RORA: variants seen among roughly 807,000 people sequenced by gnomAD.
RORA encodes the protein nuclear receptor ROR-alpha.
In RORA, 7 loss-of-function variants were observed where a neutral mutation model predicts 69.5. The observed-to-expected ratio is 0.10, with a 90% CI of 0.06 to 0.19. The LOEUF is 0.19. Ranked by LOEUF, RORA falls within the 10% of genes least tolerant of loss-of-function variation. The pLI, the probability that RORA is intolerant of heterozygous loss-of-function variation, is 1.00. For synonymous variants in RORA, 261 were observed against 240.8 expected (o/e 1.08, Z -0.78); for missense variants, 457 against 663.0 (o/e 0.69, Z 3.41).
At chr15:60,802,693 A>G (rs528931187) in intron 1 of RORA, among the ~76,000 whole-genome samples, 2 of 152,322 alleles carry the variant, frequency 1.3e-5, no homozygotes, top group African/African-American at 4.8e-5. Flanking sequence ...TACTTTTGAA[A>G]TAATATTCAC....
intron 1 of RORA, among the ~76,000 whole-genome samples, chr15:60,785,327 T>C (rs2072319938): frequency 6.6e-6 from 1 of 152,136 alleles, no homozygotes; most frequent in South Asian, 2.1e-4. Flanking sequence ...CTTCCTGAGG[T>C]CACTGATGGA....
At chr15:60,636,061 C>G (rs906522199) in intron 2 of RORA, among the ~76,000 whole-genome samples, 1 of 152,176 alleles carries the variant, frequency 6.6e-6, no homozygotes, top group East Asian at 1.9e-4. Context: ...TAAATAGTCT[C>G]TCTGTGTGAT....
chr15:61,137,066 A>AGAAAGAAAGAAG (rs1567006630), intron 1 of RORA, among the ~76,000 whole-genome samples: 13 of 149,442 alleles, frequency 8.7e-5, no homozygotes, highest in African/African-American at 3.1e-4. Context: ...AAAGAAAGAA[A>AGAAAGAAAGAAG]GAAAGAAAGA....
At chr15:60,655,135 T>C (rs1338081769) in intron 2 of RORA, among the ~76,000 whole-genome samples, 3 of 152,166 alleles carry the variant, frequency 2.0e-5, no homozygotes, top group African/African-American at 7.2e-5. Context: ...GTCATGAGAA[T>C]GGAATGTACC....
intron 1 of RORA, among the ~76,000 whole-genome samples, chr15:60,936,462 C>G (rs547118528): frequency 3.0e-4 from 46 of 152,370 alleles, no homozygotes; most frequent in African/African-American, 1.1e-3. Context: ...ACACCTGTCA[C>G]ACCTTCAGCC....
intron 1 of RORA, among the ~76,000 whole-genome samples, chr15:61,007,316 A>G (rs1022816137): frequency 1.3e-5 from 2 of 152,208 alleles, no homozygotes; most frequent in Non-Finnish European, 2.9e-5. Flanking sequence ...ATTGATAGGC[A>G]ATGTTTCTCA....
At chr15:61,105,273 T>C (rs564128925) in intron 1 of RORA, among the ~76,000 whole-genome samples, 30 of 152,302 alleles carry the variant, frequency 2.0e-4, no homozygotes, top group African/African-American at 6.7e-4. Flanking sequence ...TTATCTAAGG[T>C]CTGTTTGCCC....
intron 1 of RORA, among the ~76,000 whole-genome samples, chr15:60,698,701 G>A (rs984103282): frequency 3.5e-5 from 5 of 143,870 alleles, no homozygotes; most frequent in South Asian, 2.2e-4. Context: ...AGATATCATC[G>A]TGTCCTGTAA....
intron 1 of RORA, among the ~76,000 whole-genome samples, chr15:60,894,260 G>A (rs1891166134): frequency 1.3e-5 from 2 of 152,118 alleles, no homozygotes; most frequent in Non-Finnish European, 2.9e-5. Context: ...TAAAGCAGGC[G>A]GCTTTCAAAA....
chr15:61,032,605 T>C (rs185886256), intron 1 of RORA, among the ~76,000 whole-genome samples: 5 of 152,200 alleles, frequency 3.3e-5, no homozygotes, highest in African/African-American at 4.8e-5. Context: ...TTAGAAACAT[T>C]TTACATTCAC....
intron 1 of RORA, among the ~76,000 whole-genome samples, chr15:61,076,417 AC>A (rs2078450615): frequency 6.6e-6 from 1 of 151,650 alleles, no homozygotes; most frequent in Non-Finnish European, 1.5e-5. Flanking sequence ...AAAAAAAAAA[AC>A]GTTTCAACAA....
chr15:61,184,434 G>A (rs1438492781), intron 1 of RORA, among the ~76,000 whole-genome samples: 3 of 151,986 alleles, frequency 2.0e-5, no homozygotes, highest in Non-Finnish European at 2.9e-5. Context: ...TTTCTCCTTA[G>A]AATTAAGGAG....
chr15:60,720,891 AG>A (rs1285897385), intron 1 of RORA, among the ~76,000 whole-genome samples: 1 of 152,072 alleles, frequency 6.6e-6, no homozygotes, highest in Non-Finnish European at 1.5e-5. Context: ...GGGGCTTCCT[AG>A]GGCTTTCAAG....
chr15:60,588,864 T>C (rs1413600551), intron 2 of RORA, among the ~76,000 whole-genome samples: 1 of 152,218 alleles, frequency 6.6e-6, no homozygotes, highest in Non-Finnish European at 1.5e-5. Flanking sequence ...GCTTTGTATC[T>C]CAAGTAACGT....
chr15:61,204,048 C>T (rs1406286759), intron 1 of RORA, among the ~76,000 whole-genome samples: 1 of 152,224 alleles, frequency 6.6e-6, no homozygotes, highest in East Asian at 1.9e-4. Context: ...GGGCAAGGAA[C>T]GTTTCTGCTT....
intron 1 of RORA, among the ~76,000 whole-genome samples, chr15:61,177,709 C>A (rs968991290): frequency 6.6e-6 from 1 of 152,062 alleles, no homozygotes; most frequent in East Asian, 1.9e-4. Context: ...CCGTATAACC[C>A]GAGCCCTTTG....
intron 1 of RORA, among the ~76,000 whole-genome samples, chr15:61,044,455 G>A (rs1896930845): frequency 1.3e-5 from 2 of 152,120 alleles, no homozygotes; most frequent in Admixed American, 1.3e-4. Context: ...ACTTGAACCT[G>A]GCCAGTCCCA....
intron 1 of RORA, among the ~76,000 whole-genome samples, chr15:61,166,733 G>A (rs1342083225): frequency 3.9e-5 from 6 of 152,034 alleles, no homozygotes; most frequent in Non-Finnish European, 8.8e-5. Flanking sequence ...CTGGACCTCA[G>A]GACTCCTAGC....
chr15:60,883,385 A>G (rs2073714021), intron 1 of RORA, among the ~76,000 whole-genome samples: 1 of 152,190 alleles, frequency 6.6e-6, no homozygotes, highest in Admixed American at 6.5e-5. Flanking sequence ...TAGTTTGAAC[A>G]AAATACATAA....
Sources: gnomAD v4.1 joint callset for allele counts (sites outside exome capture counted in the v4.1 genomes callset) on GRCh38, gnomAD v4.1.1 for gene constraint, MANE v1.5 for transcripts, NCBI Gene and HGNC (gene_info 2026-07-23, HGNC 2026-07-21) for gene names.